The following CLSTN2 variants were observed in gnomAD, a reference collection of about 807,000 sequenced individuals.
CLSTN2 encodes calsyntenin 2.
Under a neutral mutation model 101.2 loss-of-function variants are expected in CLSTN2, and 48 were observed. The observed-to-expected ratio is 0.47, with a 90% CI of 0.38 to 0.60. The LOEUF (loss-of-function observed/expected upper bound fraction) is 0.60. Ranked by LOEUF, CLSTN2 falls within the 20% of genes least tolerant of loss-of-function variation. The pLI is 0.00. For missense variants in CLSTN2, 1,160 were observed against 1,238.2 expected, an observed-to-expected ratio of 0.94 and a Z score of 0.95; for synonymous variants, 481 against 463.6, an observed-to-expected ratio of 1.04 and a Z score of -0.48.
intron 11 of CLSTN2, among the ~76,000 whole-genome samples, chr3:140,557,644 A>G (rs919556508): frequency 3.3e-5 from 5 of 152,194 alleles, no homozygotes; most frequent in African/African-American, 1.2e-4. Context: ...ACCCACCCAT[A>G]GAAGAGGATG....
At chr3:140,175,875 C>A in intron 1 of CLSTN2, 76 bp from the exon 2 acceptor site, 1 of 1,390,640 alleles carries the variant, frequency 7.2e-7, no homozygotes, top group Non-Finnish European at 9.9e-7. Flanking sequence ...GGCAAATATA[C>A]AATCTTAATA....
At chr3:140,223,285 T>A (rs970658100) in intron 2 of CLSTN2, among the ~76,000 whole-genome samples, 2 of 152,178 alleles carry the variant, frequency 1.3e-5, no homozygotes, top group Non-Finnish European at 2.9e-5. Flanking sequence ...GCAACCCTAA[T>A]AACATCAACA....
At chr3:140,536,743 T>TAACA (rs1484323992) in intron 9 of CLSTN2, among the ~76,000 whole-genome samples, 4 of 152,300 alleles carry the variant, frequency 2.6e-5, no homozygotes, top group South Asian at 2.1e-4. Flanking sequence ...ATAGAATGTC[T>TAACA]AACAGTTCAC....
intron 2 of CLSTN2, among the ~76,000 whole-genome samples, chr3:140,383,054 GA>G: frequency 6.6e-6 from 1 of 152,162 alleles, no homozygotes; most frequent in East Asian, 1.9e-4. Context: ...ACCAGAAGAT[GA>G]TATTTTTTGC....
At chr3:139,985,660 G>C (rs1426311234) in intron 1 of CLSTN2, among the ~76,000 whole-genome samples, 1 of 152,258 alleles carries the variant, frequency 6.6e-6, no homozygotes, top group South Asian at 2.1e-4. Flanking sequence ...ACTAAAAAAG[G>C]CTTATTTGAA....
rs146833123 is a variant in CLSTN2, at chr3:140,370,074, T to G, written c.233-33555T>G. ...AGAAAAACACTCCATTAGTCATGAG[T>G]GACAGGTGAGAGGACGTGTGAACAG... is the stretch of plus-strand genomic sequence containing the variant. On this transcript the variant is annotated intron_variant, in intron 2 of 16. Coordinates refer to ENST00000458420, the MANE Select transcript of CLSTN2 (RefSeq NM_022131.3). 2.6e-3 allele frequency among the ~76,000 whole-genome samples: 397 copies of G among 152,278 alleles called. 2 individuals are homozygous for G. The highest frequency in any genetic ancestry group is 8.4e-3 in the African/African-American group (348 of 41,560).
chr3:140,235,181 C>A (rs950259072), intron 2 of CLSTN2, among the ~76,000 whole-genome samples: 5 of 152,186 alleles, frequency 3.3e-5, no homozygotes, highest in African/African-American at 1.2e-4. Flanking sequence ...TTCGTTGTGT[C>A]CTCCATGCTT....
intron 2 of CLSTN2, among the ~76,000 whole-genome samples, chr3:140,261,371 G>T (rs2086652630): frequency 6.6e-6 from 1 of 152,028 alleles, no homozygotes; most frequent in African/African-American, 2.4e-5. Context: ...TATGGCCATG[G>T]GAGACATTTT....
At chr3:140,511,026 G>A (rs1000579934) in intron 8 of CLSTN2, among the ~76,000 whole-genome samples, 1 of 152,048 alleles carries the variant, frequency 6.6e-6, no homozygotes, top group Non-Finnish European at 1.5e-5. Flanking sequence ...TACCCCGTTC[G>A]ACAGGCCCCA....
chr3:140,142,717 C>T (rs528381344), intron 1 of CLSTN2, among the ~76,000 whole-genome samples: 5 of 152,290 alleles, frequency 3.3e-5, no homozygotes, highest in Admixed American at 3.3e-4. Flanking sequence ...CCTTTCGTGA[C>T]CTGGAGAGAA....
In CLSTN2 at chr3:140,084,400, C is replaced by T. The variant is rs553499351; in HGVS notation, c.110-91551C>T. 2.6e-5 allele frequency among the ~76,000 whole-genome samples: 4 copies of T among 152,276 alleles called. No individual in the cohort carries two copies. The East Asian group carries it at 7.7e-4, about 29-fold the overall frequency. ...CCTTATTCAGCAAAGACCTTAACCC[C>T]CTGTATGAGCTCTGGAAAGTCCTTT... On this transcript the variant is annotated intron_variant, in intron 1 of 16. Coordinates refer to ENST00000458420, the MANE Select transcript of CLSTN2 (RefSeq NM_022131.3).
At chr3:140,260,972 C>G (rs544602992) in intron 2 of CLSTN2, among the ~76,000 whole-genome samples, 53 of 152,276 alleles carry the variant, frequency 3.5e-4, no homozygotes, top group African/African-American at 1.2e-3. Flanking sequence ...TGAGGTACCC[C>G]TTTTCATCAT....
chr3:139,985,332 T>C (rs4683774), intron 1 of CLSTN2, among the ~76,000 whole-genome samples: 16,653 of 152,212 alleles, frequency 0.11, 945 homozygotes, highest in East Asian at 0.14. Context: ...CATTTCTGTA[T>C]AAGTAAGGAA....
chr3:140,500,141 C>T (rs900053977), intron 8 of CLSTN2, among the ~76,000 whole-genome samples: 1 of 152,058 alleles, frequency 6.6e-6, no homozygotes, highest in East Asian at 1.9e-4. Context: ...GCTCAGGGCT[C>T]CCAAGTGGGG....
At chr3:140,352,077 C>T (rs2087614284) in intron 2 of CLSTN2, among the ~76,000 whole-genome samples, 1 of 152,122 alleles carries the variant, frequency 6.6e-6, no homozygotes, top group Non-Finnish European at 1.5e-5. Flanking sequence ...GAAGATTGAG[C>T]TAATCTTCCT....
At chr3:140,024,534 G>T (rs115817278) in intron 1 of CLSTN2, among the ~76,000 whole-genome samples, 2 of 152,128 alleles carry the variant, frequency 1.3e-5, no homozygotes, top group African/African-American at 2.4e-5. Flanking sequence ...AGGCAGTCTC[G>T]GCCTGGCCTT....
intron 1 of CLSTN2, among the ~76,000 whole-genome samples, chr3:139,992,547 A>G (rs538964636): frequency 6.6e-6 from 1 of 152,304 alleles, no homozygotes; most frequent in Admixed American, 6.5e-5. Flanking sequence ...ACAGAGCCTC[A>G]GCCATTTGTT....
At chr3:140,268,761 A>T (rs2086716813) in intron 2 of CLSTN2, among the ~76,000 whole-genome samples, 1 of 152,176 alleles carries the variant, frequency 6.6e-6, no homozygotes, top group Non-Finnish European at 1.5e-5. Flanking sequence ...TATAGTTGGC[A>T]GTGGGCAGTG....
chr3:140,395,144 A>C (rs1171480795), intron 2 of CLSTN2, among the ~76,000 whole-genome samples: 1 of 152,212 alleles, frequency 6.6e-6, no homozygotes, highest in Non-Finnish European at 1.5e-5. Context: ...GGAGATTTTG[A>C]TCTTGGCACA....
Sources: allele counts gnomAD v4.1 joint callset (sites outside exome capture counted in the v4.1 genomes callset), GRCh38; gene constraint gnomAD v4.1.1; transcripts MANE v1.5; gene names NCBI Gene and HGNC (gene_info 2026-07-23, HGNC 2026-07-21).